The following LLGL2 variants were observed in gnomAD, a reference collection of about 807,000 sequenced individuals.
LLGL2 encodes the protein LLGL scribble cell polarity complex component 2.
Under a neutral mutation model 123.2 loss-of-function variants are expected in LLGL2, and 81 were observed. That is an observed-to-expected ratio of 0.66 (90% CI 0.55 to 0.79). The LOEUF (loss-of-function observed/expected upper bound fraction) is 0.79, where lower values mean the gene tolerates loss of function less well. Ranked by LOEUF, LLGL2 falls within the 30% of genes least tolerant of loss-of-function variation. The pLI, the probability that LLGL2 is intolerant of heterozygous loss-of-function variation, is 0.00. For missense variants in LLGL2, 1,273 were observed against 1,414.6 expected, an observed-to-expected ratio of 0.90 and a Z score of 1.61; for synonymous variants, 577 against 594.1, an observed-to-expected ratio of 0.97 and a Z score of 0.42.
rs1414645769 is a variant in LLGL2 at position 75,544,295 on chromosome 17, T to C, written c.75+794T>C. Reference sequence around the variant, plus strand: ...CAGGAACTGGGACACTGTGATCCTCTTCCCCCGGGGAGCCAGGACCCTCCC... The same window carrying C: ...CAGGAACTGGGACACTGTGATCCTCCTCCCCCGGGGAGCCAGGACCCTCCC... On this transcript the variant is annotated intron_variant, in intron 2 of 25. Coordinates refer to ENST00000392550, the MANE Select transcript of LLGL2 (RefSeq NM_001031803.2). The surrounding 1 kb of genome is among the most constrained non-coding windows in gnomAD (Gnocchi z 4.2). 6.6e-6 allele frequency among the ~76,000 whole-genome samples: 1 copy of C among 152,162 alleles called. No homozygotes were observed. Among genetic ancestry groups the C allele is most frequent in the Admixed American group, 6.5e-5 (1 of 15,270 alleles).
At chr17:75,572,897 GCCAAGGGTTTGTCAGGA>G in intron 19 of LLGL2, 100 bp from the exon 20 acceptor site, 4 of 1,269,364 alleles carry the variant, frequency 3.2e-6, no homozygotes, top group Non-Finnish European at 4.3e-6. Context: ...GCATCTGAGA[GCCAAGGGTTTGTCAGGA>G]CACCGGGAGG....
intron 1 of LLGL2, among the ~76,000 whole-genome samples, chr17:75,532,153 T>C (rs989221710): frequency 2.1e-5 from 3 of 145,464 alleles, no homozygotes; most frequent in Non-Finnish European, 4.5e-5. Flanking sequence ...TGATTTCGGC[T>C]CACTGCAGTC....
rs183588423 is a variant in LLGL2, at chr17:75,529,751, C to T, written c.-31+3926C>T. The stretch of plus-strand genomic sequence containing the variant: ...TGGTGCGTGCCTGTAATCCCAGCTA[C>T]TCAGGAGGCTGAGGCAGGAGAATCG... On this transcript the variant is annotated intron_variant, in intron 1 of 25. Coordinates refer to ENST00000392550, the MANE Select transcript of LLGL2 (RefSeq NM_001031803.2). 1.5e-3 allele frequency among the ~76,000 whole-genome samples: 225 copies of T among 151,942 alleles called. 1 individual carries two copies. Among genetic ancestry groups the T allele is most frequent in the Middle Eastern group, 0.014 (4 of 294 alleles).
intron 17 of LLGL2, chr17:75,571,340 C>A: frequency 1.7e-6 from 1 of 584,522 alleles, no homozygotes; most frequent in South Asian, 2.1e-5. Flanking sequence ...TGGCCTCAGA[C>A]CCATCACTTA....
chr17:75,529,932 C>T (rs1367735674), intron 1 of LLGL2, among the ~76,000 whole-genome samples: 2 of 152,138 alleles, frequency 1.3e-5, no homozygotes, highest in African/African-American at 4.8e-5. Flanking sequence ...AGTTTTGACT[C>T]GTTCTTTGCC....
chr17:75,543,472 C>A lies in LLGL2; in HGVS notation c.46C>A (p.Leu16Ile). The change falls in exon 2 of 26, where the codon CTC becomes ATC. Residue 16 changes from leucine to isoleucine, a missense_variant. Leu to Ile is a conservative substitution (Grantham distance 5). Transcript: ENST00000392550. ...AGGGCATGACCCTGTGCGGGAGAGG[C>A]TCAAGCGGGACCTGTTCCAGTTTAA... Reference protein sequence around the residue: ...RPGHDPVRERLKRDLFQFNKT... With the variant: ...RPGHDPVRERIKRDLFQFNKT... 6.2e-7 allele frequency: 1 copy of A among 1,612,288 alleles called. No homozygotes were observed. The highest frequency in any genetic ancestry group is 8.5e-7 in the Non-Finnish European group (1 of 1,178,992).
chr17:75,527,732 G>A (rs550649974), intron 1 of LLGL2, among the ~76,000 whole-genome samples: 61 of 151,382 alleles, frequency 4.0e-4, no homozygotes, highest in African/African-American at 1.4e-3. Flanking sequence ...CTCCCAAAGC[G>A]TTGGGATTAC....
intron 6 of LLGL2, among the ~76,000 whole-genome samples, chr17:75,560,591 A>G (rs1020905632): frequency 3.3e-5 from 5 of 151,860 alleles, no homozygotes; most frequent in East Asian, 3.9e-4. Context: ...GGTTCAAGCT[A>G]TTCTCCTGCC....
In LLGL2 at chr17:75,569,039, A is replaced by G. The variant is rs2055571754; in HGVS notation, c.1384A>G (p.Lys462Glu). The part of the protein sequence containing the change: ...ASGVCLRLLY[K>E]LSTVRVFLTD... Reference sequence around the variant, plus strand: ...GGGTGTCTGCCTGCGGCTGCTCTACAAACTCAGCACTGTGCGCGTGTTCCT... The same window carrying G: ...GGGTGTCTGCCTGCGGCTGCTCTACGAACTCAGCACTGTGCGCGTGTTCCT... Residue 462 changes from lysine to glutamate, a missense_variant, in exon 13 of 26, where the codon AAA becomes GAA. Transcript: ENST00000392550. 6.2e-7 allele frequency: 1 copy of G among 1,612,886 alleles called. No individual in the cohort carries two copies. The highest frequency in any genetic ancestry group is 8.5e-7 in the Non-Finnish European group (1 of 1,179,698).
chr17:75,556,219 T>C, intron 3 of LLGL2, 76 bp downstream of exon 3: 1 of 1,144,340 alleles, frequency 8.7e-7, no homozygotes, highest in South Asian at 1.3e-5. Context: ...ATCTTTTCCT[T>C]CCTTGCCCGT....
chr17:75,541,804 A>G (rs553456248), intron 1 of LLGL2, among the ~76,000 whole-genome samples: 1 of 131,072 alleles, frequency 7.6e-6, no homozygotes, highest in Admixed American at 9.9e-5. Flanking sequence ...ATCTTGGCTC[A>G]CTGCAACCTC....
At chr17:75,527,914 A>C (rs2053630003) in intron 1 of LLGL2, among the ~76,000 whole-genome samples, 1 of 150,462 alleles carries the variant, frequency 6.6e-6, no homozygotes, top group African/African-American at 2.5e-5. Context: ...CAGCCTTCTG[A>C]GTAGCTGGGA....
rs1458763947 is a variant in LLGL2, at chr17:75,570,527, C to T, written c.2025+29C>T. On this transcript the variant is annotated intron_variant, in intron 16 of 25. Coordinates refer to ENST00000392550, the MANE Select transcript of LLGL2 (RefSeq NM_001031803.2). ...AGGCCTGAGGTGAGGCTGCGGCCGG[C>T]CACGCACCCAGGTTCGGCTCAGAGC... is the stretch of plus-strand genomic sequence containing the variant. 1.9e-6 allele frequency: 3 copies of T among 1,549,896 alleles called. No individual in the cohort carries two copies. The Admixed American group carries it at 5.8e-5, about 30-fold the overall frequency.
At chr17:75,565,812 A>G (rs1356295841) in intron 10 of LLGL2, among the ~76,000 whole-genome samples, 3 of 152,080 alleles carry the variant, frequency 2.0e-5, no homozygotes, top group Admixed American at 6.5e-5. Context: ...CTCTCACGTA[A>G]TGGTTCTGCT....
rs570778890 is a variant in LLGL2 at position 75,561,948 on chromosome 17, A to G, written c.531-1068A>G. The stretch of plus-strand genomic sequence containing the variant: ...AAAAAAAAAAAATTAAATATTGAAT[A>G]TTAAAGTCCCCTTCAACTCTCACTC... On this transcript the variant is annotated intron_variant, in intron 6 of 25. Transcript: ENST00000392550. Among the ~76,000 whole-genome samples the G allele has an allele frequency of 7.2e-5, 11 of 152,250 alleles. No individual in the cohort carries two copies. The South Asian group carries it at 2.3e-3, about 32-fold the overall frequency.
intron 6 of LLGL2, among the ~76,000 whole-genome samples, chr17:75,561,487 C>G (rs553639541): frequency 6.6e-6 from 1 of 152,060 alleles, no homozygotes; most frequent in Admixed American, 6.5e-5. Flanking sequence ...ATTAGTTGGG[C>G]AAGGCGGCAC....
At chr17:75,561,414 C>T (rs1237848992) in intron 6 of LLGL2, among the ~76,000 whole-genome samples, 1 of 152,064 alleles carries the variant, frequency 6.6e-6, no homozygotes, top group East Asian at 1.9e-4. Flanking sequence ...TGCTTGAGGC[C>T]AGGAATTTGA....
chr17:75,572,108 C>T, intron 19 of LLGL2, 44 bp downstream of exon 19: 1 of 1,577,828 alleles, frequency 6.3e-7, no homozygotes, highest in Non-Finnish European at 8.6e-7. Context: ...CTCCCCGGGA[C>T]ATCCAGGAGG....
chr17:75,574,308 G>A (rs1332356219), intron 23 of LLGL2, 48 bp downstream of exon 23: 2 of 1,490,320 alleles, frequency 1.3e-6, no homozygotes, highest in South Asian at 2.5e-5. Flanking sequence ...GTGGGGAAGG[G>A]GGGTCAGGGT....
Sources: gnomAD v4.1 joint callset for allele counts (sites outside exome capture counted in the v4.1 genomes callset) on GRCh38, gnomAD v4.1.1 for gene constraint, Gnocchi (gnomAD v3.1) non-coding constraint, MANE v1.5 for transcripts, NCBI Gene and HGNC (gene_info 2026-07-23, HGNC 2026-07-21) for gene names.